ASXL2: variants seen among roughly 807,000 people sequenced by gnomAD.
ASXL2 encodes putative Polycomb group protein ASXL2.
A neutral mutation model predicts 122.0 loss-of-function variants in ASXL2; 23 were observed. That is an observed-to-expected ratio of 0.19 (90% CI 0.14 to 0.27). The LOEUF is 0.27. Ranked by LOEUF, ASXL2 falls within the 10% of genes least tolerant of loss-of-function variation. The pLI is 1.00. For synonymous variants in ASXL2, 650 were observed against 637.0 expected (o/e 1.02, Z -0.31); for missense variants, 1,518 against 1,713.8 (o/e 0.89, Z 2.02).
rs957250893 is a variant in ASXL2 at position 25,734,149 on chromosome 2, G to C, written c.*7880C>G. The C allele has an allele frequency of 6.6e-5, 10 of 150,906 alleles. No homozygotes were observed. The highest frequency in any genetic ancestry group is 2.4e-4 in the African/African-American group (10 of 40,986). The allele number at this position is 150,906 out of a possible 1,614,324, so 9.3% of individuals were successfully genotyped here. ...AGAGTTTCATTTGTTATGTTCTCTAGATCTTTCATGGATTCTAGAAATTTT... is the reference window on the plus strand; with the variant it reads ...AGAGTTTCATTTGTTATGTTCTCTACATCTTTCATGGATTCTAGAAATTTT... On this transcript the variant is annotated 3_prime_UTR_variant, in exon 13 of 13. Coordinates refer to ENST00000435504, the MANE Select transcript of ASXL2 (RefSeq NM_018263.6).
intron 5 of ASXL2, among the ~76,000 whole-genome samples, chr2:25,789,432 GT>G (rs2088796956): frequency 6.6e-6 from 1 of 152,084 alleles, no homozygotes; most frequent in Non-Finnish European, 1.5e-5. Flanking sequence ...GCTATTGGAA[GT>G]TGTTAGAGTG....
At chr2:25,779,639 C>T (rs754749075) in intron 5 of ASXL2, among the ~76,000 whole-genome samples, 2 of 152,126 alleles carry the variant, frequency 1.3e-5, no homozygotes, top group South Asian at 4.1e-4. Context: ...AACTTGTCTA[C>T]GTCATTATGC....
rs550142125 is a variant in ASXL2 at position 25,866,568 on chromosome 2, T to C, written c.57+11598A>G. On this transcript the variant is annotated intron_variant, in intron 1 of 12. Transcript: ENST00000435504. ...TCTGCTAGAAAACAGAGCTGAGAAATACATATGAAGCAATCCAATACTAAG... is the reference window on the plus strand; with the variant it reads ...TCTGCTAGAAAACAGAGCTGAGAAACACATATGAAGCAATCCAATACTAAG... Among the ~76,000 whole-genome samples, 9 of 152,312 alleles carry C rather than the reference T, an allele frequency of 5.9e-5. No homozygotes were observed. In the South Asian group the frequency reaches 1.9e-3, roughly 32 times the overall value.
At chr2:25,765,394 G>A (rs1192077460) in intron 8 of ASXL2, among the ~76,000 whole-genome samples, 1 of 151,980 alleles carries the variant, frequency 6.6e-6, no homozygotes, top group African/African-American at 2.4e-5. Context: ...GCTGAGGCAG[G>A]AGAATGGCAT....
At chr2:25,802,666 C>T (rs763277487) in intron 4 of ASXL2, among the ~76,000 whole-genome samples, 1 of 152,084 alleles carries the variant, frequency 6.6e-6, no homozygotes, top group Non-Finnish European at 1.5e-5. Flanking sequence ...GGTTAGTTTC[C>T]AGGGGAACCA....
chr2:25,789,054 GC>G (rs2088791055), intron 5 of ASXL2, among the ~76,000 whole-genome samples: 1 of 151,984 alleles, frequency 6.6e-6, no homozygotes, highest in African/African-American at 2.4e-5. Context: ...TTTAGAAGCA[GC>G]TTGTCAGTTT....
intron 1 of ASXL2, among the ~76,000 whole-genome samples, chr2:25,869,912 TAA>T (rs35244304): frequency 7.3e-6 from 1 of 137,832 alleles, no homozygotes; most frequent in Non-Finnish European, 1.6e-5. Flanking sequence ...AATGAAATAC[TAA>T]AAAAAAAAAA....
rs2149134343 is a variant in ASXL2, at chr2:25,739,832, AT to A, written c.*2196del. 1 of 222,518 alleles carries A rather than the reference AT, an allele frequency of 4.5e-6. No individual in the cohort carries two copies. Among genetic ancestry groups the A allele is most frequent in the African/African-American group, 2.2e-5 (1 of 44,878 alleles). 13.8% of individuals were successfully genotyped at this position (222,518 alleles called of 1,614,324 possible). Reference sequence around the variant, plus strand: ...TCATCAATCCAAACTGGTAACTGACATTTAGCATGGAATCAATTCCAAAACT... The same window carrying A: ...TCATCAATCCAAACTGGTAACTGACATTAGCATGGAATCAATTCCAAAACT... On this transcript the variant is annotated 3_prime_UTR_variant, in exon 13 of 13. Transcript: ENST00000435504.
At position 25,734,816 on chromosome 2, in the gene ASXL2, A is replaced by C. The variant is rs1237494768; in HGVS notation, c.*7213T>G. On this transcript the variant is annotated 3_prime_UTR_variant, in exon 13 of 13. Coordinates refer to ENST00000435504, the MANE Select transcript of ASXL2 (RefSeq NM_018263.6). ...ATTCCTTATCCCACAGAATGTCTCA[A>C]ATCAAACTCCAGGTTACATTCATGG... 4 of 152,210 alleles carry C rather than the reference A, an allele frequency of 2.6e-5. No individual in the cohort carries two copies. Among genetic ancestry groups the C allele is most frequent in the African/African-American group, 7.2e-5 (3 of 41,460 alleles). 9.4% of individuals were successfully genotyped at this position (152,210 alleles called of 1,614,324 possible). A position where few individuals can be genotyped will look rare whatever the true frequency, so the allele number is the denominator to read the frequency against.
At chr2:25,753,313 G>A (rs2088077905) in intron 11 of ASXL2, among the ~76,000 whole-genome samples, 1 of 151,670 alleles carries the variant, frequency 6.6e-6, no homozygotes, top group Non-Finnish European at 1.5e-5. Flanking sequence ...ACAGTTTTAA[G>A]GGTAAAGTAT....
At chr2:25,862,399 A>G (rs935818731) in intron 1 of ASXL2, among the ~76,000 whole-genome samples, 4 of 152,232 alleles carry the variant, frequency 2.6e-5, no homozygotes, top group Non-Finnish European at 5.9e-5. Flanking sequence ...GATGGTACAT[A>G]TGATTCCTGA....
intron 8 of ASXL2, among the ~76,000 whole-genome samples, chr2:25,763,460 A>T (rs1192102807): frequency 1.3e-5 from 2 of 152,040 alleles, no homozygotes; most frequent in East Asian, 3.9e-4. Context: ...ACTGCACTCC[A>T]GCCTGGGTGA....
intron 1 of ASXL2, among the ~76,000 whole-genome samples, chr2:25,877,152 C>G (rs1410904771): frequency 6.6e-6 from 1 of 152,072 alleles, no homozygotes; most frequent in African/African-American, 2.4e-5. Context: ...AGAAGGGCTA[C>G]GTTGTCGAAG....
intron 2 of ASXL2, among the ~76,000 whole-genome samples, chr2:25,843,099 G>T (rs1261252655): frequency 6.6e-6 from 1 of 151,578 alleles, no homozygotes; most frequent in Admixed American, 6.6e-5. Flanking sequence ...AGGAGATCAA[G>T]ACCATCTTGG....
chr2:25,811,309 C>T (rs2089167353), intron 3 of ASXL2, among the ~76,000 whole-genome samples: 2 of 151,544 alleles, frequency 1.3e-5, no homozygotes, highest in Non-Finnish European at 2.9e-5. Flanking sequence ...ACCTAGAAGA[C>T]AGAGAAAGCT....
At position 25,742,204 on chromosome 2, in the gene ASXL2, T is replaced by TG; in HGVS notation, c.4132dup (p.His1378ProfsTer42). On this transcript the variant is annotated frameshift_variant, in exon 13 of 13. Transcript: ENST00000435504. LOFTEE classifies it high-confidence loss of function. ...CGCCTGAACAGGAATGGTCTGGCCA[T>TG]GGCTGCTGGGATTCATAGCTTGGCT... The TG allele has an allele frequency of 6.2e-7, 1 of 1,614,008 alleles. No homozygotes were observed. Among genetic ancestry groups the TG allele is most frequent in the Non-Finnish European group, 8.5e-7 (1 of 1,179,884 alleles).
chr2:25,781,959 C>CTGTTTT (rs2088647058), intron 5 of ASXL2, among the ~76,000 whole-genome samples: 1 of 88,382 alleles, frequency 1.1e-5, no homozygotes, highest in Non-Finnish European at 2.3e-5. Flanking sequence ...ACCGCCCGGG[C>CTGTTTT]TTTTTTCTTT....
intron 8 of ASXL2, 111 bp from the exon 9 acceptor site, chr2:25,759,756 C>A: frequency 9.0e-7 from 1 of 1,115,376 alleles, no homozygotes; most frequent in Non-Finnish European, 1.3e-6. Flanking sequence ...ATTTAAATAT[C>A]ACACTACGAA....
intron 3 of ASXL2, among the ~76,000 whole-genome samples, chr2:25,819,371 C>CA (rs1178489195): frequency 6.6e-6 from 1 of 152,136 alleles, no homozygotes; most frequent in African/African-American, 2.4e-5. Flanking sequence ...TACAGAGTCT[C>CA]AGAGTATCTT....
Sources: allele counts gnomAD v4.1 joint callset (sites outside exome capture counted in the v4.1 genomes callset), GRCh38; gene constraint gnomAD v4.1.1; transcripts MANE v1.5; gene names NCBI Gene and HGNC (gene_info 2026-07-23, HGNC 2026-07-21).